TEX15: variants seen among roughly 807,000 people sequenced by gnomAD.
TEX15 encodes testis-expressed protein 15.
Under a neutral mutation model 237.3 loss-of-function variants are expected in TEX15, and 171 were observed. The ratio of observed to expected loss-of-function variants is 0.72; its 90% CI spans 0.64 to 0.82. The LOEUF (loss-of-function observed/expected upper bound fraction) is 0.82. TEX15 is among the 40% of genes least tolerant of loss of function. The pLI, the probability that TEX15 is intolerant of heterozygous loss-of-function variation, is 0.00. For synonymous variants in TEX15, 1,338 were observed against 1,269.8 expected (o/e 1.05, Z -1.14); for missense variants, 3,750 against 3,646.5 (o/e 1.03, Z -0.73).
rs1807348538 is a variant in TEX15, at chr8:30,837,949, C to A, written c.8335G>T (p.Gly2779Cys). 6.2e-7 allele frequency: 1 copy of A among 1,614,110 alleles called. No individual in the cohort carries two copies. The highest frequency in any genetic ancestry group is 2.2e-5 in the East Asian group (1 of 44,874). ...KKVEMQRSLP[G>C]SLLPLENPKD... Reference sequence around the variant, plus strand: ...GGGTTCTCTAAGGGTAAAAGTGAGCCAGGTAGTGATCTTTGCATTTCAACC... The same window carrying A: ...GGGTTCTCTAAGGGTAAAAGTGAGCAAGGTAGTGATCTTTGCATTTCAACC... Residue 2779 changes from glycine to cysteine, a missense_variant, in exon 10 of 11, where the codon GGC becomes TGC. Gly to Cys is a radical substitution (Grantham distance 159). Transcript: ENST00000643185.
rs17559768 is a variant in TEX15, at chr8:30,850,710, A to G, written c.851-1394T>C. ...GCTATTTAAAAAACTCCATAAAAGTACTAGAAAAAAAAATGAATGGATGTT... is the reference window on the plus strand; with the variant it reads ...GCTATTTAAAAAACTCCATAAAAGTGCTAGAAAAAAAAATGAATGGATGTT... On this transcript the variant is annotated intron_variant, in intron 7 of 10. Coordinates refer to ENST00000643185, the MANE Select transcript of TEX15 (RefSeq NM_001350162.2). 2.1e-3 allele frequency among the ~76,000 whole-genome samples: 313 copies of G among 152,284 alleles called. 1 individual carries two copies. The highest frequency in any genetic ancestry group is 3.2e-3 in the Non-Finnish European group (219 of 68,002).
rs766507139 is a variant in TEX15, at chr8:30,837,981, G to C, written c.8303C>G (p.Pro2768Arg). 3 of 1,613,918 alleles carry C rather than the reference G, an allele frequency of 1.9e-6. No individual in the cohort carries two copies. The highest frequency in any genetic ancestry group is 1.7e-6 in the Non-Finnish European group (2 of 1,179,960). ...TGATCTTTGCATTTCAACCTTTTTT[G>C]GCGTTAAATGATTTCTTTTCAGACT... ...CDSLKRNHLT[P>R]KKVEMQRSLP... The change falls in exon 10 of 11, where the codon CCA becomes CGA. Residue 2768 changes from proline (P) to arginine (R), a missense_variant. Pro to Arg is a moderately radical substitution (Grantham distance 103). Coordinates refer to ENST00000643185, the MANE Select transcript of TEX15 (RefSeq NM_001350162.2).
At chr8:30,875,374 A>G (rs986841427) in intron 3 of TEX15, among the ~76,000 whole-genome samples, 7 of 152,226 alleles carry the variant, frequency 4.6e-5, no homozygotes, top group Non-Finnish European at 8.8e-5. Context: ...AGAATTTTCA[A>G]CTTAAGATGT....
At position 30,845,800 on chromosome 8, in the gene TEX15, C is replaced by G. The variant is rs1287889331; in HGVS notation, c.4367G>C (p.Arg1456Thr). The change falls in exon 8 of 11, where the codon AGA becomes ACA. Residue 1456 changes from arginine (R) to threonine (T), a missense_variant. Transcript: ENST00000643185. ...FSSKRKYDKRRKKRAPKADIS... is the reference protein window; with the variant it reads ...FSSKRKYDKRTKKRAPKADIS... ...ATCAGCTTTTGGAGCTCTTTTCTTT[C>G]TCCGTTTGTCATATTTTCTTTTTGA... is the stretch of plus-strand genomic sequence containing the variant. 6.2e-7 allele frequency: 1 copy of G among 1,609,450 alleles called. No homozygotes were observed.
chr8:30,835,107 A>AAT (rs1807262038), intron 10 of TEX15, among the ~76,000 whole-genome samples: 3 of 151,626 alleles, frequency 2.0e-5, no homozygotes, highest in Admixed American at 6.6e-5. Context: ...CCTCTCTACT[A>AAT]ATATATATAT....
chr8:30,870,068 G>A (rs966238596), intron 4 of TEX15, among the ~76,000 whole-genome samples: 3 of 151,880 alleles, frequency 2.0e-5, no homozygotes, highest in African/African-American at 7.3e-5. Context: ...GGGGTGGAAA[G>A]CTCAAAATCA....
rs765415455 is a variant in TEX15, at chr8:30,848,637, A to G, written c.1530T>C (p.Ala510=). The G allele has an allele frequency of 1.7e-5, 27 of 1,614,042 alleles. 1 individual carries two copies. In the South Asian group the frequency reaches 2.9e-4, roughly 17 times the overall value. Residue 510 remains alanine (A), a synonymous_variant, in exon 8 of 11, where the codon GCT becomes GCC. Transcript: ENST00000643185. ...CATAGTCCTCAGAGCCCATGTTGTG[A>G]GCCCAAGATTGTGAATCATTAACAG... is the stretch of plus-strand genomic sequence containing the variant. ...KTSVNDSQSW[A]HNMGSEDYDC...
chr8:30,875,228 A>C, intron 3 of TEX15, 126 bp from the exon 4 acceptor site: 4 of 514,878 alleles, frequency 7.8e-6, no homozygotes, highest in Non-Finnish European at 1.2e-5. Context: ...AACATAAGGC[A>C]ACCATTTGTA....
chr8:30,850,384 CTAAG>C (rs1186559964), intron 7 of TEX15, among the ~76,000 whole-genome samples: 1 of 152,054 alleles, frequency 6.6e-6, no homozygotes, highest in African/African-American at 2.4e-5. Flanking sequence ...ACATTCATAG[CTAAG>C]TAACACCCTA....
In TEX15 at chr8:30,842,932, T is replaced by A; in HGVS notation, c.7235A>T (p.Asn2412Ile). The change falls in exon 8 of 11, where the codon AAC (asparagine) becomes ATC (isoleucine). Residue 2412 changes from asparagine (N) to isoleucine (I), a missense_variant. Coordinates refer to ENST00000643185, the MANE Select transcript of TEX15 (RefSeq NM_001350162.2). Reference sequence around the variant, plus strand: ...TTCTGTGATAAAAATATTATCCATGTTATTATCTTGTAGCATCTGAAAGTA... The same window carrying A: ...TTCTGTGATAAAAATATTATCCATGATATTATCTTGTAGCATCTGAAAGTA... ...KKYFQMLQDN[N>I]MDNIFITEEN... 1 of 1,610,454 alleles carries A rather than the reference T, an allele frequency of 6.2e-7. No individual in the cohort carries two copies. Among genetic ancestry groups the A allele is most frequent in the Non-Finnish European group, 8.5e-7 (1 of 1,178,256 alleles).
At position 30,880,220 on chromosome 8, in the gene TEX15, G is replaced by A. The variant is rs573461857; in HGVS notation, c.137-5118C>T. 5.4e-5 allele frequency among the ~76,000 whole-genome samples: 6 copies of A among 110,792 alleles called. No homozygotes were observed. The East Asian group carries it at 8.1e-4, about 15-fold the overall frequency. 72.7% of individuals were successfully genotyped at this position (110,792 alleles called of 152,430 possible). A position where few individuals can be genotyped will look rare whatever the true frequency, so the allele number is the denominator to read the frequency against. On this transcript the variant is annotated intron_variant, in intron 3 of 10. Coordinates refer to ENST00000643185, the MANE Select transcript of TEX15 (RefSeq NM_001350162.2). ...ATTTTTTTCTGTTTTTAGTAGAGAC[G>A]GGGTTTCGCCATGTGGCCAGGCTGG...
At chr8:30,838,810 A>T (rs866821901) in intron 9 of TEX15, among the ~76,000 whole-genome samples, 1 of 93,162 alleles carries the variant, frequency 1.1e-5, no homozygotes, top group Non-Finnish European at 2.0e-5. Flanking sequence ...ATATATATAT[A>T]TATATATATA....
At chr8:30,892,620 T>A (rs1020352786) in intron 2 of TEX15, among the ~76,000 whole-genome samples, 4 of 152,252 alleles carry the variant, frequency 2.6e-5, no homozygotes, top group African/African-American at 4.8e-5. Flanking sequence ...AATACTTTTA[T>A]AATTTTTTTC....
At chr8:30,895,103 TCTC>T (rs1204284011) in intron 2 of TEX15, among the ~76,000 whole-genome samples, 1 of 151,882 alleles carries the variant, frequency 6.6e-6, no homozygotes, top group Non-Finnish European at 1.5e-5. Flanking sequence ...TTTTAGAAGA[TCTC>T]CTATAGGTTA....
chr8:30,894,095 G>T (rs1329438382), intron 2 of TEX15, among the ~76,000 whole-genome samples: 1 of 151,996 alleles, frequency 6.6e-6, no homozygotes, highest in Non-Finnish European at 1.5e-5. Context: ...CATTAATAAA[G>T]GTTATATTTG....
At chr8:30,888,502 A>G (rs1032401938) in intron 2 of TEX15, 1 of 603,728 alleles carries the variant, frequency 1.7e-6, no homozygotes. Context: ...CTCTCTCCCC[A>G]AACTCCCCTG....
At position 30,858,765 on chromosome 8, in the gene TEX15, A is replaced by G. The variant is rs2128770299; in HGVS notation, c.753T>C (p.Tyr251=). 1.3e-6 allele frequency: 2 copies of G among 1,535,716 alleles called. No individual in the cohort carries two copies. Among genetic ancestry groups the G allele is most frequent in the South Asian group, 2.4e-5 (2 of 84,036 alleles). The change falls in exon 7 of 11, where the codon TAT becomes TAC. Residue 251 remains tyrosine, a synonymous_variant. Transcript: ENST00000643185. ...CAAGAAATTTTACTGTTACTACAGC[A>G]TATGGAAGACATTGCCTAGGTTTAT... ...PVDKPRQCLP[Y]AVVTVKFLGS...
chr8:30,890,161 T>A, intron 2 of TEX15, among the ~76,000 whole-genome samples: 1 of 151,282 alleles, frequency 6.6e-6, no homozygotes, highest in South Asian at 2.1e-4. Flanking sequence ...TTAACAGGTA[T>A]TCAAAATAAT....
intron 5 of TEX15, among the ~76,000 whole-genome samples, chr8:30,863,560 C>G (rs971551022): frequency 2.0e-5 from 3 of 152,120 alleles, no homozygotes; most frequent in African/African-American, 7.2e-5. Context: ...GCATCAATAC[C>G]ATTGTTGCAA....
Sources: gnomAD v4.1 joint callset for allele counts (sites outside exome capture counted in the v4.1 genomes callset) on GRCh38, gnomAD v4.1.1 for gene constraint, MANE v1.5 for transcripts, NCBI Gene and HGNC (gene_info 2026-07-23, HGNC 2026-07-21) for gene names.